The following RERE variants were observed in gnomAD, a reference collection of about 807,000 sequenced individuals.
RERE encodes arginine-glutamic acid dipeptide repeats protein.
Under a neutral mutation model 146.1 loss-of-function variants are expected in RERE, and 40 were observed. That is an observed-to-expected ratio of 0.27 (90% CI 0.21 to 0.36). The LOEUF is 0.36. Ranked by LOEUF, RERE falls within the 10% of genes least tolerant of loss-of-function variation. The pLI is 1.00. For synonymous variants in RERE, 1,003 were observed against 866.0 expected (o/e 1.16, Z -2.78); for missense variants, 1,933 against 2,138.7 (o/e 0.90, Z 1.90).
At chr1:8,677,888 C>T (rs942488420) in intron 1 of RERE, among the ~76,000 whole-genome samples, 5 of 152,212 alleles carry the variant, frequency 3.3e-5, no homozygotes, top group Non-Finnish European at 7.3e-5. Flanking sequence ...CTTTAGAATT[C>T]CACAGCACAG....
chr1:8,684,177 A>C (rs1639035372), intron 1 of RERE, among the ~76,000 whole-genome samples: 1 of 152,194 alleles, frequency 6.6e-6, no homozygotes, highest in Non-Finnish European at 1.5e-5. Context: ...CAAAATTTCC[A>C]CTTAAAGTCA....
intron 1 of RERE, among the ~76,000 whole-genome samples, chr1:8,776,575 G>T (rs1641067633): frequency 2.0e-5 from 3 of 152,134 alleles, no homozygotes. Flanking sequence ...AGGACTACAG[G>T]TATGAGCCAC....
At chr1:8,362,990 T>G in intron 15 of RERE, 146 bp from the exon 16 acceptor site, 1 of 819,220 alleles carries the variant, frequency 1.2e-6, no homozygotes, top group Non-Finnish European at 1.9e-6. Context: ...CAGGCCGCCC[T>G]GCCTGTCCCT....
intron 10 of RERE, among the ~76,000 whole-genome samples, chr1:8,479,778 G>C (rs1046196622): frequency 5.9e-5 from 9 of 152,160 alleles, no homozygotes; most frequent in African/African-American, 2.2e-4. Context: ...CCTCTCTGTC[G>C]TTTAAGCCAC....
At chr1:8,500,713 C>G (rs912248853) in intron 8 of RERE, among the ~76,000 whole-genome samples, 9 of 151,836 alleles carry the variant, frequency 5.9e-5, no homozygotes, top group Middle Eastern at 3.4e-3. Context: ...GCTGCCCAGT[C>G]TGGAAAGTGA....
At chr1:8,513,529 G>A (rs1272813616) in intron 7 of RERE, among the ~76,000 whole-genome samples, 1 of 152,058 alleles carries the variant, frequency 6.6e-6, no homozygotes, top group Non-Finnish European at 1.5e-5. Context: ...ACAAGTTCCC[G>A]GCACTCTGGG....
intron 1 of RERE, among the ~76,000 whole-genome samples, chr1:8,658,341 G>A (rs528873487): frequency 5.9e-4 from 90 of 152,286 alleles, no homozygotes; most frequent in African/African-American, 2.1e-3. Context: ...AGAAGCTTCT[G>A]TTTCTCATGC....
chr1:8,624,482 T>C (rs2124227444), intron 2 of RERE, 102 bp from the exon 3 acceptor site: 1 of 697,794 alleles, frequency 1.4e-6, no homozygotes, highest in Admixed American at 2.8e-5. Flanking sequence ...ACAAAGCACA[T>C]ATCTTTTATT....
At chr1:8,564,826 A>ATGTGTGTGTGTGTGTGTGTG (rs796133984) in intron 4 of RERE, among the ~76,000 whole-genome samples, 46 of 117,904 alleles carry the variant, frequency 3.9e-4, no homozygotes, top group East Asian at 1.2e-3. Context: ...GTGTGTGTAT[A>ATGTGTGTGTGTGTGTGTGTG]TGTGTATGTG....
intron 12 of RERE, among the ~76,000 whole-genome samples, chr1:8,392,351 T>C (rs1642911629): frequency 6.6e-6 from 1 of 152,214 alleles, no homozygotes; most frequent in African/African-American, 2.4e-5. Flanking sequence ...AAAATCCTTT[T>C]TTAAAAAAAT....
At chr1:8,687,251 T>TG (rs146871394) in intron 1 of RERE, among the ~76,000 whole-genome samples, 1,997 of 152,232 alleles carry the variant, frequency 0.013, 49 homozygotes, top group African/African-American at 0.046. Context: ...GAGAGTTCCC[T>TG]GAACAGCTGG....
At chr1:8,470,846 G>A (rs1190188144) in intron 10 of RERE, among the ~76,000 whole-genome samples, 1 of 96,078 alleles carries the variant, frequency 1.0e-5, no homozygotes, top group Non-Finnish European at 1.9e-5. Flanking sequence ...TTGAGACAGA[G>A]TCTCGCTCTG....
chr1:8,588,078 A>G (rs1225128020), intron 4 of RERE, among the ~76,000 whole-genome samples: 1 of 152,228 alleles, frequency 6.6e-6, no homozygotes. Context: ...AAGCCACAGC[A>G]GTAAACAAAA....
At chr1:8,812,929 TCTC>T (rs1294280079) in intron 1 of RERE, among the ~76,000 whole-genome samples, 2 of 151,806 alleles carry the variant, frequency 1.3e-5, no homozygotes, top group African/African-American at 4.8e-5. Flanking sequence ...AATGCTCATT[TCTC>T]CTCCATTATT....
intron 1 of RERE, among the ~76,000 whole-genome samples, chr1:8,782,167 G>A (rs1041900975): frequency 2.0e-5 from 3 of 152,046 alleles, no homozygotes; most frequent in Non-Finnish European, 2.9e-5. Flanking sequence ...ATCTTGCCAA[G>A]ATCATCTGTC....
chr1:8,517,310 G>A (rs1454190721), intron 7 of RERE, among the ~76,000 whole-genome samples: 2 of 152,174 alleles, frequency 1.3e-5, no homozygotes, highest in Non-Finnish European at 2.9e-5. Context: ...ACTGTACACA[G>A]CTGAACCAGT....
chr1:8,376,904 T>C (rs17032507), intron 12 of RERE, among the ~76,000 whole-genome samples: 3,889 of 152,330 alleles, frequency 0.026, 175 homozygotes, highest in African/African-American at 0.089. Flanking sequence ...TGAACCTCTA[T>C]GACCTTGTTG....
intron 1 of RERE, among the ~76,000 whole-genome samples, chr1:8,793,982 C>T (rs1282264366): frequency 6.6e-6 from 1 of 151,778 alleles, no homozygotes; most frequent in African/African-American, 2.4e-5. Flanking sequence ...GCACGAGAAT[C>T]GCTTGAACCC....
At chr1:8,730,891 G>T (rs1027113957) in intron 1 of RERE, among the ~76,000 whole-genome samples, 3 of 152,202 alleles carry the variant, frequency 2.0e-5, no homozygotes, top group African/African-American at 4.8e-5. Flanking sequence ...AGCAAGGGGT[G>T]TTGGGTGCCA....
Sources: allele counts gnomAD v4.1 joint callset (sites outside exome capture counted in the v4.1 genomes callset), GRCh38; gene constraint gnomAD v4.1.1; transcripts MANE v1.5; gene names NCBI Gene and HGNC (gene_info 2026-07-23, HGNC 2026-07-21).